The following TRPC4 variants were observed in gnomAD, a reference collection of about 807,000 sequenced individuals.
The protein encoded by TRPC4 is short transient receptor potential channel 4.
Under a neutral mutation model 99.4 loss-of-function variants are expected in TRPC4, and 49 were observed. That is an observed-to-expected ratio of 0.49 (90% CI 0.39 to 0.63). The LOEUF (loss-of-function observed/expected upper bound fraction) is 0.63, where lower values mean the gene tolerates loss of function less well. Ranked by LOEUF, TRPC4 falls within the 20% of genes least tolerant of loss-of-function variation. The pLI, the probability that TRPC4 is intolerant of heterozygous loss-of-function variation, is 0.00. For missense variants in TRPC4, 898 were observed against 1,152.9 expected (o/e 0.78, Z 3.20); for synonymous variants, 454 against 425.9 (o/e 1.07, Z -0.81).
At chr13:37,838,703 A>G (rs1219995012) in intron 1 of TRPC4, among the ~76,000 whole-genome samples, 1 of 152,192 alleles carries the variant, frequency 6.6e-6, no homozygotes, top group Non-Finnish European at 1.5e-5. Flanking sequence ...TATATACACA[A>G]TATTCACTTC....
At chr13:37,777,846 C>T (rs1956749521) in intron 2 of TRPC4, among the ~76,000 whole-genome samples, 1 of 151,910 alleles carries the variant, frequency 6.6e-6, no homozygotes, top group Admixed American at 6.6e-5. Flanking sequence ...AACCAAGGCT[C>T]AGAGAGATTC....
intron 3 of TRPC4, among the ~76,000 whole-genome samples, chr13:37,716,340 G>C (rs760227905): frequency 6.6e-6 from 1 of 152,222 alleles, no homozygotes; most frequent in South Asian, 2.1e-4. Context: ...TCTGTTAGAG[G>C]AGAATTTTGA....
intron 5 of TRPC4, among the ~76,000 whole-genome samples, chr13:37,668,757 A>G (rs887824744): frequency 6.6e-6 from 1 of 152,208 alleles, no homozygotes; most frequent in Non-Finnish European, 1.5e-5. Flanking sequence ...ATATGAAATA[A>G]AAATATTGGT....
chr13:37,725,211 T>G (rs1469273170), intron 3 of TRPC4, among the ~76,000 whole-genome samples: 1 of 151,046 alleles, frequency 6.6e-6, no homozygotes, highest in African/African-American at 2.4e-5. Context: ...AGGGAAAAAA[T>G]GAAAGAAGAT....
intron 3 of TRPC4, among the ~76,000 whole-genome samples, chr13:37,716,750 T>G (rs1300728303): frequency 6.6e-6 from 1 of 152,168 alleles, no homozygotes; most frequent in Non-Finnish European, 1.5e-5. Flanking sequence ...TCAAGGGCTA[T>G]TTTTAATCGT....
intron 3 of TRPC4, among the ~76,000 whole-genome samples, chr13:37,722,772 G>T (rs1036920593): frequency 2.0e-5 from 3 of 151,590 alleles, no homozygotes; most frequent in Admixed American, 1.3e-4. Flanking sequence ...CAGCTCTAAT[G>T]TTAATTAGTA....
chr13:37,692,397 A>G (rs2138880930), intron 3 of TRPC4, 62 bp from the exon 4 acceptor site: 2 of 1,366,704 alleles, frequency 1.5e-6, no homozygotes, highest in Non-Finnish European at 2.0e-6. Context: ...GCCTCAATTC[A>G]TCAATAAGAA....
chr13:37,805,281 A>T (rs889389215), intron 1 of TRPC4, among the ~76,000 whole-genome samples: 15 of 151,998 alleles, frequency 9.9e-5, no homozygotes, highest in African/African-American at 3.1e-4. Context: ...TGCAATGCAA[A>T]TACGCCACAG....
intron 3 of TRPC4, among the ~76,000 whole-genome samples, chr13:37,720,792 C>T (rs572747513): frequency 6.0e-4 from 92 of 152,184 alleles, no homozygotes; most frequent in African/African-American, 1.9e-3. Context: ...TCTGAATATA[C>T]TTCATTTTCA....
chr13:37,705,982 A>G (rs1260612706), intron 3 of TRPC4, among the ~76,000 whole-genome samples: 1 of 152,164 alleles, frequency 6.6e-6, no homozygotes, highest in Non-Finnish European at 1.5e-5. Flanking sequence ...ACTCCGCTTC[A>G]GATTCCCCTC....
At chr13:37,676,526 C>T (rs1317141958) in intron 4 of TRPC4, among the ~76,000 whole-genome samples, 18 of 151,954 alleles carry the variant, frequency 1.2e-4, no homozygotes, top group Admixed American at 1.2e-3. Flanking sequence ...GCACGCACTA[C>T]CCCATCCGGC....
At chr13:37,810,240 T>A (rs1957637132) in intron 1 of TRPC4, among the ~76,000 whole-genome samples, 1 of 152,088 alleles carries the variant, frequency 6.6e-6, no homozygotes, top group Non-Finnish European at 1.5e-5. Context: ...AAACATTTCA[T>A]AAATTAAGAT....
intron 1 of TRPC4, among the ~76,000 whole-genome samples, chr13:37,828,985 T>A (rs1037217518): frequency 6.6e-6 from 1 of 151,982 alleles, no homozygotes; most frequent in Non-Finnish European, 1.5e-5. Flanking sequence ...AAGAAAAAAA[T>A]TTAAAAAGAG....
At chr13:37,646,777 C>A (rs919086805) in intron 8 of TRPC4, among the ~76,000 whole-genome samples, 1 of 152,148 alleles carries the variant, frequency 6.6e-6, no homozygotes, top group Non-Finnish European at 1.5e-5. Context: ...TGAGGTTAAA[C>A]AAAACATTTG....
chr13:37,852,631 A>G (rs1959088272), intron 1 of TRPC4, among the ~76,000 whole-genome samples: 1 of 152,196 alleles, frequency 6.6e-6, no homozygotes, highest in African/African-American at 2.4e-5. Flanking sequence ...ACCAGCTTGC[A>G]CACAGTGGGG....
At chr13:37,762,450 A>G (rs1385572278) in intron 2 of TRPC4, among the ~76,000 whole-genome samples, 2 of 151,582 alleles carry the variant, frequency 1.3e-5, no homozygotes, top group African/African-American at 4.8e-5. Context: ...CACAATAGCG[A>G]AGACTTGGAA....
intron 3 of TRPC4, among the ~76,000 whole-genome samples, chr13:37,712,040 T>C (rs1954502710): frequency 6.6e-6 from 1 of 152,050 alleles, no homozygotes; most frequent in Non-Finnish European, 1.5e-5. Flanking sequence ...TTTGACAAAC[T>C]ATATTTTGAG....
At chr13:37,656,689 G>T (rs1445461808) in intron 6 of TRPC4, among the ~76,000 whole-genome samples, 1 of 152,178 alleles carries the variant, frequency 6.6e-6, no homozygotes, top group East Asian at 1.9e-4. Flanking sequence ...GATGACAGGG[G>T]TTATGATGTG....
At chr13:37,774,123 C>T (rs756895728) in intron 2 of TRPC4, among the ~76,000 whole-genome samples, 2 of 151,586 alleles carry the variant, frequency 1.3e-5, no homozygotes, top group Non-Finnish European at 2.9e-5. Flanking sequence ...AGGGATGTTG[C>T]AATTAAGGAG....
Sources: allele counts gnomAD v4.1 joint callset (sites outside exome capture counted in the v4.1 genomes callset), GRCh38; gene constraint gnomAD v4.1.1; transcripts MANE v1.5; gene names NCBI Gene and HGNC (gene_info 2026-07-23, HGNC 2026-07-21).